The following RBFOX1 variants were observed in gnomAD, a reference collection of about 807,000 sequenced individuals.
RBFOX1 encodes the protein RNA binding fox-1 homolog 1, also known as RNA binding protein fox-1 homolog 1.
In RBFOX1, 8 loss-of-function variants were observed where a neutral mutation model predicts 57.7. The observed-to-expected ratio is 0.14, with a 90% CI of 0.08 to 0.25. The LOEUF is 0.25. RBFOX1 is among the 10% of genes least tolerant of loss of function. The probability of loss-of-function intolerance (pLI) is 1.00; values close to 1 mark genes in which losing one functional copy is unlikely to be tolerated. For missense variants in RBFOX1, 611 were observed against 548.5 expected (o/e 1.11, Z -1.14); for synonymous variants, 326 against 222.4 (o/e 1.47, Z -4.15).
intron 12 of RBFOX1, among the ~76,000 whole-genome samples, chr16:7,658,397 G>A (rs1441342620): frequency 1.3e-5 from 2 of 152,116 alleles, no homozygotes; most frequent in Non-Finnish European, 2.9e-5. Flanking sequence ...CAGTCACAGA[G>A]CAGAGTAGAG....
intron 13 of RBFOX1, among the ~76,000 whole-genome samples, chr16:7,676,111 T>C (rs181572961): frequency 2.0e-5 from 3 of 152,358 alleles, no homozygotes; most frequent in Admixed American, 6.5e-5. Flanking sequence ...TAGAAGACTA[T>C]CATATTTTCC....
chr16:7,375,122 A>G (rs139514953), intron 4 of RBFOX1, among the ~76,000 whole-genome samples: 15 of 152,332 alleles, frequency 9.8e-5, no homozygotes, highest in African/African-American at 3.6e-4. Flanking sequence ...GCCATTACGC[A>G]TTATCCTGCT....
intron 4 of RBFOX1, among the ~76,000 whole-genome samples, chr16:5,973,318 C>G (rs1394915647): frequency 6.6e-6 from 1 of 152,178 alleles, no homozygotes; most frequent in African/African-American, 2.4e-5. Flanking sequence ...GCAATTAGAT[C>G]TATATCACAC....
chr16:6,142,412 G>A (rs1253644355), intron 1 of RBFOX1, among the ~76,000 whole-genome samples: 6 of 151,672 alleles, frequency 4.0e-5, no homozygotes, highest in South Asian at 2.1e-4. Flanking sequence ...TAGTAGAGAT[G>A]GGGTTTCACC....
intron 4 of RBFOX1, among the ~76,000 whole-genome samples, chr16:7,500,877 A>T (rs918933066): frequency 1.3e-5 from 2 of 152,204 alleles, no homozygotes; most frequent in African/African-American, 4.8e-5. Flanking sequence ...TAATTGAATG[A>T]TGGGGACAGT....
At chr16:7,113,264 C>T (rs992108129) in intron 4 of RBFOX1, among the ~76,000 whole-genome samples, 7 of 152,150 alleles carry the variant, frequency 4.6e-5, no homozygotes, top group African/African-American at 1.7e-4. Flanking sequence ...GAGTGTACCT[C>T]TGAGTCATTT....
chr16:6,585,310 A>G lies in RBFOX1; in HGVS notation c.-63-69293A>G, dbSNP rs146186726. Among the ~76,000 whole-genome samples the G allele has an allele frequency of 5.9e-5, 9 of 152,318 alleles. No homozygotes were observed. The East Asian group carries it at 1.7e-3, about 29-fold the overall frequency. The stretch of plus-strand genomic sequence containing the variant: ...AGGTACATTTGCAGGGCTGCCATGA[A>G]GCATTGTCATTACACACATTTATGG... On this transcript the variant is annotated intron_variant, in intron 2 of 15. Coordinates refer to ENST00000550418, the MANE Select transcript of RBFOX1 (RefSeq NM_018723.4).
chr16:6,304,866 GACCCT>G (rs1318867589), intron 1 of RBFOX1, among the ~76,000 whole-genome samples: 2 of 83,960 alleles, frequency 2.4e-5, no homozygotes, highest in Non-Finnish European at 4.3e-5. Context: ...GACACAGTGA[GACCCT>G]GTCTCAAAAA....
At chr16:6,393,438 A>G (rs1219193626) in intron 2 of RBFOX1, among the ~76,000 whole-genome samples, 1 of 152,138 alleles carries the variant, frequency 6.6e-6, no homozygotes, top group Non-Finnish European at 1.5e-5. Flanking sequence ...TTATTACTTA[A>G]ACCTGCCCAG....
At chr16:7,610,799 C>G (rs1006393930) in intron 10 of RBFOX1, among the ~76,000 whole-genome samples, 3 of 152,196 alleles carry the variant, frequency 2.0e-5, no homozygotes, top group African/African-American at 7.2e-5. Context: ...TGGACCTATG[C>G]AAAGCGATAG....
At chr16:7,215,569 A>G (rs937364646) in intron 4 of RBFOX1, among the ~76,000 whole-genome samples, 6 of 152,160 alleles carry the variant, frequency 3.9e-5, no homozygotes, top group Admixed American at 1.3e-4. Flanking sequence ...TTGTAAGTAC[A>G]TTTACTGAGT....
chr16:6,089,749 T>G (rs1452305808), intron 1 of RBFOX1, among the ~76,000 whole-genome samples: 1 of 152,254 alleles, frequency 6.6e-6, no homozygotes, highest in South Asian at 2.1e-4. Context: ...GGTGAAAGAT[T>G]GGCCAATATT....
intron 3 of RBFOX1, among the ~76,000 whole-genome samples, chr16:6,703,715 AAAAAG>A (rs1189836228): frequency 6.6e-6 from 1 of 151,942 alleles, no homozygotes; most frequent in Non-Finnish European, 1.5e-5. Context: ...TCAAAAGAAA[AAAAAG>A]AAAAGAAAAA....
In RBFOX1 at chr16:6,513,981, C is replaced by G. The variant is rs1021642592; in HGVS notation, c.-63-140622C>G. On this transcript the variant is annotated intron_variant, in intron 2 of 15. Transcript: ENST00000550418. Reference sequence around the variant, plus strand: ...AAATAAAGATGGAGGAGGCTCAACACATGTCCACTGTGCTTTGCAAATGGC... The same window carrying G: ...AAATAAAGATGGAGGAGGCTCAACAGATGTCCACTGTGCTTTGCAAATGGC... Among the ~76,000 whole-genome samples the G allele has an allele frequency of 2.6e-5, 4 of 152,154 alleles. No individual in the cohort carries two copies. In the South Asian group the frequency reaches 8.3e-4, roughly 31 times the overall value.
chr16:5,553,361 G>A (rs983732369), intron 2 of RBFOX1, among the ~76,000 whole-genome samples: 2 of 151,048 alleles, frequency 1.3e-5, no homozygotes, highest in Admixed American at 1.3e-4. Flanking sequence ...TTTTACCCGG[G>A]CCAGAGTGCA....
chr16:6,948,369 C>T (rs1248534527), intron 3 of RBFOX1, among the ~76,000 whole-genome samples: 1 of 138,778 alleles, frequency 7.2e-6, no homozygotes, highest in Admixed American at 7.2e-5. Flanking sequence ...TTTTCTTTCT[C>T]CCTTTCTTTT....
intron 3 of RBFOX1, among the ~76,000 whole-genome samples, chr16:6,996,369 GTGTGTGTGCATATAAACATGTA>G (rs1568285485): frequency 6.6e-6 from 1 of 152,080 alleles, no homozygotes; most frequent in Non-Finnish European, 1.5e-5. Context: ...TTGTGCATGT[GTGTGTGTGCATATAAACATGTA>G]TGTGTGTGCA....
At chr16:6,410,100 T>G (rs889096373) in intron 2 of RBFOX1, among the ~76,000 whole-genome samples, 5 of 151,892 alleles carry the variant, frequency 3.3e-5, no homozygotes, top group South Asian at 2.1e-4. Flanking sequence ...GGAGTTTGTT[T>G]TGGGATCACA....
chr16:6,367,791 G>A lies in RBFOX1; in HGVS notation c.-64+50734G>A, dbSNP rs564092987. On this transcript the variant is annotated intron_variant, in intron 2 of 15. Coordinates refer to ENST00000550418, the MANE Select transcript of RBFOX1 (RefSeq NM_018723.4). The stretch of plus-strand genomic sequence containing the variant: ...GGGAAAATGATGCCAGGAGCAGAAA[G>A]CAAAGATGTTTTCAAAGAGTCAGAA... Among the ~76,000 whole-genome samples, 320 of 150,888 alleles carry A rather than the reference G, an allele frequency of 2.1e-3. 2 individuals are homozygous for A. The highest frequency in any genetic ancestry group is 7.3e-3 in the African/African-American group (299 of 41,056).
Sources: gnomAD v4.1 joint callset for allele counts (sites outside exome capture counted in the v4.1 genomes callset) on GRCh38, gnomAD v4.1.1 for gene constraint, MANE v1.5 for transcripts, NCBI Gene and HGNC (gene_info 2026-07-23, HGNC 2026-07-21) for gene names.